Variants in WIPI2 observed in about 807,000 individuals in gnomAD.
WIPI2 encodes WD repeat domain, phosphoinositide interacting 2, also known as WD repeat domain phosphoinositide-interacting protein 2.
A neutral mutation model predicts 52.3 loss-of-function variants in WIPI2; 28 were observed. The observed-to-expected ratio is 0.54, with a 90% CI of 0.40 to 0.73. The LOEUF (loss-of-function observed/expected upper bound fraction) is 0.73. Ranked by LOEUF, WIPI2 falls within the 30% of genes least tolerant of loss-of-function variation. The pLI is 0.00. For missense variants in WIPI2, 506 were observed against 602.9 expected (o/e 0.84, Z 1.68); for synonymous variants, 268 against 245.0 (o/e 1.09, Z -0.88).
intron 3 of WIPI2, among the ~76,000 whole-genome samples, chr7:5,212,595 G>T (rs190805239): frequency 2.4e-4 from 37 of 152,140 alleles, no homozygotes; most frequent in Admixed American, 1.9e-3. Context: ...ATGCAGGAAC[G>T]TGATCACCGC....
intron 3 of WIPI2, among the ~76,000 whole-genome samples, chr7:5,209,746 C>T (rs549944216): frequency 7.2e-5 from 11 of 152,040 alleles, no homozygotes; most frequent in African/African-American, 2.2e-4. Context: ...GGTGACCAGC[C>T]CCCTAAGTGG....
intron 2 of WIPI2, chr7:5,193,437 G>A (rs1453410821): frequency 1.0e-6 from 1 of 980,502 alleles, no homozygotes; most frequent in Non-Finnish European, 1.4e-6. Flanking sequence ...TGTGTTTGTA[G>A]AATTGATGTT....
chr7:5,206,953 T>C (rs183958174), intron 3 of WIPI2, among the ~76,000 whole-genome samples: 2 of 152,196 alleles, frequency 1.3e-5, no homozygotes, highest in African/African-American at 4.8e-5. Context: ...AATTTTTCGA[T>C]TTTTTTGTAG....
In WIPI2 at chr7:5,215,470, C is replaced by CGT. The variant is rs376292314; in HGVS notation, c.381+775_381+776dup. On this transcript the variant is annotated intron_variant, in intron 4 of 12. Coordinates refer to ENST00000288828, the MANE Select transcript of WIPI2 (RefSeq NM_015610.4). ...GTGGCATGTGTGCGTGTTTCACGCACGTGTGTGTGTCTCCCAGCTTGTGCT... is the reference window on the plus strand; with the variant it reads ...GTGGCATGTGTGCGTGTTTCACGCACGTGTGTGTGTGTCTCCCAGCTTGTGCT... Among the ~76,000 whole-genome samples, 846 of 152,318 alleles carry CGT rather than the reference C, an allele frequency of 5.6e-3. 6 individuals carry two copies. Among genetic ancestry groups the CGT allele is most frequent in the African/African-American group, 0.02 (823 of 41,562 alleles).
intron 3 of WIPI2, chr7:5,214,077 G>A (rs1309796796): frequency 3.5e-5 from 9 of 260,786 alleles, no homozygotes; most frequent in Non-Finnish European, 3.7e-5. Context: ...TGCCACTTTG[G>A]ACATGTGTGA....
At position 5,230,720 on chromosome 7, in the gene WIPI2, A is replaced by T. The variant is rs936865800; in HGVS notation, c.1253-115A>T. 2 of 651,662 alleles carry T rather than the reference A, an allele frequency of 3.1e-6. No homozygotes were observed. Among genetic ancestry groups the T allele is most frequent in the Non-Finnish European group, 5.0e-6 (2 of 400,336 alleles). The allele number at this position is 651,662 out of a possible 1,614,324, so 40.4% of individuals were successfully genotyped here. ...ATCAGAATTCAGAACGTCTTAGTAC[A>T]GGCTTCAGTTTATAAATATACACCA... On this transcript the variant is annotated intron_variant, in intron 12 of 12. Coordinates refer to ENST00000288828, the MANE Select transcript of WIPI2 (RefSeq NM_015610.4). The surrounding 1 kb of genome is among the most constrained non-coding windows in gnomAD (Gnocchi z 4.8).
intron 7 of WIPI2, among the ~76,000 whole-genome samples, chr7:5,221,957 T>A (rs1298151540): frequency 9.9e-6 from 1 of 100,754 alleles, no homozygotes; most frequent in African/African-American, 4.2e-5. Context: ...TTTTATTTTT[T>A]TTTTTTTTCC....
chr7:5,211,333 G>A (rs534954539), intron 3 of WIPI2, among the ~76,000 whole-genome samples: 4 of 152,272 alleles, frequency 2.6e-5, no homozygotes, highest in East Asian at 1.9e-4. Flanking sequence ...TTAGGCAGGC[G>A]TGGTGGCATG....
At chr7:5,193,622 A>C (rs1781587626) in intron 2 of WIPI2, among the ~76,000 whole-genome samples, 1 of 152,232 alleles carries the variant, frequency 6.6e-6, no homozygotes, top group Non-Finnish European at 1.5e-5. Context: ...TTTGAAGTGC[A>C]GTGGCATAGT....
intron 3 of WIPI2, among the ~76,000 whole-genome samples, chr7:5,200,440 T>C (rs1000755915): frequency 6.6e-6 from 1 of 152,302 alleles, no homozygotes. Context: ...GTGTAACATC[T>C]CGCAAAGCCC....
intron 7 of WIPI2, among the ~76,000 whole-genome samples, chr7:5,222,236 A>C (rs944782813): frequency 1.7e-4 from 26 of 152,350 alleles, no homozygotes; most frequent in African/African-American, 3.4e-4. Context: ...GGCGTGAGCC[A>C]CCACGCCCGG....
intron 3 of WIPI2, among the ~76,000 whole-genome samples, chr7:5,207,767 A>AT (rs1782362924): frequency 7.9e-5 from 7 of 88,876 alleles, no homozygotes; most frequent in Admixed American, 4.7e-4. Context: ...GTCCTCACTA[A>AT]CTTTTTTTTT....
intron 3 of WIPI2, among the ~76,000 whole-genome samples, chr7:5,209,374 G>A (rs1236814640): frequency 6.6e-6 from 1 of 152,170 alleles, no homozygotes; most frequent in African/African-American, 2.4e-5. Context: ...GTCTTAACGG[G>A]AAGAGATCAA....
At position 5,230,787 on chromosome 7, in the gene WIPI2, G is replaced by A. The variant is rs766621956; in HGVS notation, c.1253-48G>A. On this transcript the variant is annotated intron_variant, in intron 12 of 12. Transcript: ENST00000288828. The surrounding 1 kb of genome is among the most constrained non-coding windows in gnomAD (Gnocchi z 4.8). The stretch of plus-strand genomic sequence containing the variant: ...GTCCTCAGTGTGTGTCATGGGGTCT[G>A]TGGTGTGTCCCCAGCCTTTGAAGGG... 1.4e-6 allele frequency: 2 copies of A among 1,474,748 alleles called. No individual in the cohort carries two copies. The highest frequency in any genetic ancestry group is 1.8e-5 in the Admixed American group (1 of 55,558). The allele number at this position is 1,474,748 out of a possible 1,614,324, so 91.4% of individuals were successfully genotyped here.
intron 3 of WIPI2, among the ~76,000 whole-genome samples, chr7:5,205,422 G>C (rs750057002): frequency 3.2e-4 from 49 of 152,210 alleles, no homozygotes; most frequent in Non-Finnish European, 6.2e-4. Flanking sequence ...ATCTCCCCCA[G>C]AACACTCAGT....
Position 5,227,155 on chromosome 7 carries a change from T to G in WIPI2, c.849-25T>G, listed in dbSNP as rs1030124157. The G allele has an allele frequency of 5.0e-6, 8 of 1,613,368 alleles. No individual in the cohort carries two copies. Among genetic ancestry groups the G allele is most frequent in the Non-Finnish European group, 6.8e-6 (8 of 1,179,828 alleles). On this transcript the variant is annotated intron_variant, in intron 9 of 12. Coordinates refer to ENST00000288828, the MANE Select transcript of WIPI2 (RefSeq NM_015610.4). This position sits in a 1 kb window ranked among gnomAD's most constrained non-coding sequence, Gnocchi z 8.1. ...TCCCCCCAGGGAGGGTGCAGCTTCA[T>G]GTGTCTGGTGGCCTTTCCTTCCAGA...
intron 7 of WIPI2, among the ~76,000 whole-genome samples, chr7:5,221,303 T>G (rs1783117247): frequency 6.6e-6 from 1 of 151,996 alleles, no homozygotes; most frequent in Admixed American, 6.6e-5. Context: ...AGATGGGGGT[T>G]TCACCATGTT....
At chr7:5,202,073 C>G (rs916872147) in intron 3 of WIPI2, among the ~76,000 whole-genome samples, 1 of 152,068 alleles carries the variant, frequency 6.6e-6, no homozygotes, top group African/African-American at 2.4e-5. Context: ...CTTCATGTCT[C>G]AGTATTTAGT....
rs1441390640 is a variant in WIPI2 at position 5,228,088 on chromosome 7, T to C, written c.1014-16T>C. 6.2e-7 allele frequency: 1 copy of C among 1,613,270 alleles called. No homozygotes were observed. On this transcript the variant is annotated splice_polypyrimidine_tract_variant and intron_variant, in intron 10 of 12. Coordinates refer to ENST00000288828, the MANE Select transcript of WIPI2 (RefSeq NM_015610.4). ...TGACAGTTGTCTAGAATTTGGCTGC[T>C]CTTTATTCTCCCTAGAATTCAGAAG...
Sources: allele counts gnomAD v4.1 joint callset (sites outside exome capture counted in the v4.1 genomes callset), GRCh38; gene constraint gnomAD v4.1.1; non-coding constraint Gnocchi (gnomAD v3.1); transcripts MANE v1.5; gene names NCBI Gene and HGNC (gene_info 2026-07-23, HGNC 2026-07-21).